The following STAU2 variants were observed in gnomAD, a reference collection of about 807,000 sequenced individuals.
The protein encoded by STAU2 is staufen double-stranded RNA binding protein 2.
Under a neutral mutation model 65.9 loss-of-function variants are expected in STAU2, and 20 were observed. The observed-to-expected ratio is 0.30, with a 90% confidence interval of 0.21 to 0.44. STAU2 has a LOEUF of 0.44. Ranked by LOEUF, STAU2 falls within the 20% of genes least tolerant of loss-of-function variation. STAU2 has a pLI of 1.00. For missense variants in STAU2, 558 were observed against 683.9 expected (o/e 0.82, Z 2.05); for synonymous variants, 232 against 233.9 (o/e 0.99, Z 0.07).
intron 10 of STAU2, 33 bp downstream of exon 10, chr8:73,603,693 A>G: frequency 6.3e-7 from 1 of 1,598,362 alleles, no homozygotes; most frequent in Non-Finnish European, 8.5e-7. Context: ...GGATTTCTAA[A>G]TCTTTTCAAT....
In STAU2 at chr8:73,613,956, C is replaced by T. The variant is rs1339712830; in HGVS notation, c.679G>A (p.Val227Ile). The T allele has an allele frequency of 1.3e-6, 2 of 1,595,098 alleles. No individual in the cohort carries two copies. The highest frequency in any genetic ancestry group is 1.4e-5 in the African/African-American group (1 of 73,926). ...LKRNMPVSFE[V>I]IKESGPPHMK... ...TGTGGTGGTCCACTTTCTTTAATAACCTATTAAATACAAGTAAAATATTAA... is the reference window on the plus strand; with the variant it reads ...TGTGGTGGTCCACTTTCTTTAATAATCTATTAAATACAAGTAAAATATTAA... The change falls in exon 9 of 15, where the codon GTT (valine) becomes ATT (isoleucine). Residue 227 changes from valine (V) to isoleucine (I), a missense_variant and splice_region_variant. By Grantham distance (29) the Val-to-Ile change is conservative. Around this residue, in one of 3 missense-constraint regions of STAU2, gnomAD observed 199 missense variants for 299.5 expected, o/e 0.66. Transcript: ENST00000524300.
chr8:73,555,081 C>T (rs1000466854), intron 12 of STAU2, among the ~76,000 whole-genome samples: 7 of 151,944 alleles, frequency 4.6e-5, no homozygotes, highest in African/African-American at 9.7e-5. Context: ...AGGAGAGGAA[C>T]GAAAATGGAT....
At chr8:73,561,881 T>G (rs1429908247) in intron 12 of STAU2, among the ~76,000 whole-genome samples, 1 of 152,250 alleles carries the variant, frequency 6.6e-6, no homozygotes, top group African/African-American at 2.4e-5. Flanking sequence ...ATTCCCATTT[T>G]ACACTTGAAG....
intron 13 of STAU2, 35 bp downstream of exon 13, chr8:73,551,977 T>C: frequency 6.6e-7 from 1 of 1,520,804 alleles, no homozygotes; most frequent in Non-Finnish European, 8.8e-7. Flanking sequence ...GGCTAATGAA[T>C]TGTTTTGTTT....
chr8:73,605,245 A>G (rs1811922395), intron 9 of STAU2, among the ~76,000 whole-genome samples: 1 of 151,768 alleles, frequency 6.6e-6, no homozygotes, highest in Non-Finnish European at 1.5e-5. Context: ...CATCATGTTC[A>G]TCGATCAGAA....
intron 6 of STAU2, among the ~76,000 whole-genome samples, chr8:73,646,938 G>C (rs112481938): frequency 0.013 from 1,872 of 144,046 alleles, 43 homozygotes; most frequent in African/African-American, 0.044. Flanking sequence ...CACACAGCCA[G>C]ACACACACAC....
Position 73,709,060 on chromosome 8 carries a change from A to G in STAU2, c.86T>C (p.Leu29Pro). 6.5e-7 allele frequency: 1 copy of G among 1,530,614 alleles called. No homozygotes were observed. The highest frequency in any genetic ancestry group is 8.7e-7 in the Non-Finnish European group (1 of 1,143,858). The allele number at this position is 1,530,614 out of a possible 1,614,324, so 94.8% of individuals were successfully genotyped here. A position where few individuals can be genotyped will look rare whatever the true frequency, so the allele number is the denominator to read the frequency against. The change falls in exon 4 of 15, where the codon CTG becomes CCG. Residue 29 changes from leucine to proline, a missense_variant. Around this residue, in one of 3 missense-constraint regions of STAU2, gnomAD observed 112 missense variants for 114.2 expected, o/e 0.98. Transcript: ENST00000524300. Reference protein sequence around the residue: ...FNRVQPQYKLLNERGPAHSKM... With the variant: ...FNRVQPQYKLPNERGPAHSKM... ...TGAATGAGCAGGCCCTCTTTCATTCAGAAGTTTATACTGGGGTTGGACTCT... is the reference window on the plus strand; with the variant it reads ...TGAATGAGCAGGCCCTCTTTCATTCGGAAGTTTATACTGGGGTTGGACTCT...
At chr8:73,605,828 TACACAC>T (rs1286685328) in intron 9 of STAU2, among the ~76,000 whole-genome samples, 1 of 134,474 alleles carries the variant, frequency 7.4e-6, no homozygotes, top group Non-Finnish European at 1.6e-5. Context: ...CAGATATATA[TACACAC>T]ATACACATAC....
intron 3 of STAU2, among the ~76,000 whole-genome samples, chr8:73,722,585 G>A (rs765815506): frequency 1.3e-5 from 2 of 152,060 alleles, no homozygotes; most frequent in Non-Finnish European, 2.9e-5. Context: ...TCCCCAGTTT[G>A]CTTGCTTATA....
At chr8:73,740,109 A>G (rs1348684657) in intron 1 of STAU2, among the ~76,000 whole-genome samples, 1 of 152,210 alleles carries the variant, frequency 6.6e-6, no homozygotes, top group African/African-American at 2.4e-5. Context: ...AGCCACATGA[A>G]TGAGTTCAGA....
At chr8:73,575,249 T>G (rs1304315661) in intron 12 of STAU2, among the ~76,000 whole-genome samples, 1 of 152,028 alleles carries the variant, frequency 6.6e-6, no homozygotes, top group Admixed American at 6.6e-5. Flanking sequence ...AAATACATAG[T>G]CTCATTCTTA....
At chr8:73,647,826 C>T (rs1815505712) in intron 6 of STAU2, among the ~76,000 whole-genome samples, 1 of 152,118 alleles carries the variant, frequency 6.6e-6, no homozygotes, top group South Asian at 2.1e-4. Flanking sequence ...GCTATCTGTC[C>T]CACCTGGGCC....
At chr8:73,443,184 GA>G (rs1199757604) in intron 13 of STAU2, among the ~76,000 whole-genome samples, 1 of 151,592 alleles carries the variant, frequency 6.6e-6, no homozygotes, top group Non-Finnish European at 1.5e-5. Flanking sequence ...AGCCCAGGAG[GA>G]AAAAAAAGGG....
intron 4 of STAU2, 85 bp downstream of exon 4, chr8:73,708,947 C>A: frequency 7.5e-7 from 1 of 1,337,738 alleles, no homozygotes; most frequent in Non-Finnish European, 9.6e-7. Flanking sequence ...ACCCCCACTC[C>A]CCAAAATAAA....
chr8:73,735,668 C>G (rs1295756507), intron 3 of STAU2, among the ~76,000 whole-genome samples: 1 of 152,176 alleles, frequency 6.6e-6, no homozygotes, highest in Non-Finnish European at 1.5e-5. Flanking sequence ...AATACTCAAC[C>G]TGTACAATTT....
At chr8:73,448,610 G>A (rs1238695807) in intron 13 of STAU2, among the ~76,000 whole-genome samples, 1 of 152,206 alleles carries the variant, frequency 6.6e-6, no homozygotes, top group Non-Finnish European at 1.5e-5. Flanking sequence ...AAAGGACTGA[G>A]CGACACTGAT....
rs970176638 is a variant in STAU2, at chr8:73,595,295, C to T, written c.1032G>A (p.Val344=). Residue 344 remains valine (V), a splice_region_variant and synonymous_variant, in exon 11 of 15, where the codon GTG becomes GTA. Coordinates refer to ENST00000524300, the MANE Select transcript of STAU2 (RefSeq NM_001164380.2). ...MPRRREFVMQ[V]KVGNEVATGT... ...CTGTAGCAACTTCATTGCCTACCTT[C>T]ACCTGATAAGATTAAAGAAATAAAT... 2.5e-6 allele frequency: 4 copies of T among 1,589,386 alleles called. No individual in the cohort carries two copies. Among genetic ancestry groups the T allele is most frequent in the Non-Finnish European group, 3.4e-6 (4 of 1,172,112 alleles).
At chr8:73,498,134 C>G (rs894110762) in intron 13 of STAU2, among the ~76,000 whole-genome samples, 6 of 151,804 alleles carry the variant, frequency 4.0e-5, no homozygotes, top group Admixed American at 6.6e-5. Context: ...GCAGAGCCAG[C>G]CTGCCACATA....
At chr8:73,697,805 C>T (rs1413218471) in intron 4 of STAU2, among the ~76,000 whole-genome samples, 2 of 152,140 alleles carry the variant, frequency 1.3e-5, no homozygotes, top group Non-Finnish European at 2.9e-5. Flanking sequence ...TTTGCACCGG[C>T]GCAGTGGCTC....
Sources: allele counts gnomAD v4.1 joint callset (sites outside exome capture counted in the v4.1 genomes callset), GRCh38; gene constraint gnomAD v4.1.1; regional missense constraint gnomAD v4.1.1; transcripts MANE v1.5; gene names NCBI Gene and HGNC (gene_info 2026-07-23, HGNC 2026-07-21).